CCDC57: variants seen among roughly 807,000 people sequenced by gnomAD.
The protein encoded by CCDC57 is coiled-coil domain-containing protein 57.
In CCDC57, 118 loss-of-function variants were observed where a neutral mutation model predicts 118.9. That is an observed-to-expected ratio of 0.99 (90% CI 0.86 to 1.16). CCDC57 has a LOEUF of 1.16. Among genes scored for constraint, CCDC57 ranks in the 50% most tolerant of loss-of-function variants. The probability of loss-of-function intolerance (pLI) is 0.00; values close to 1 mark genes in which losing one functional copy is unlikely to be tolerated. For missense variants in CCDC57, 1,300 were observed against 1,320.7 expected, an observed-to-expected ratio of 0.98 and a Z score of 0.24; for synonymous variants, 527 against 532.9, an observed-to-expected ratio of 0.99 and a Z score of 0.15.
intron 11 of CCDC57, among the ~76,000 whole-genome samples, chr17:82,177,708 G>T (rs2045706809): frequency 6.6e-6 from 1 of 152,214 alleles, no homozygotes; most frequent in South Asian, 2.1e-4. Flanking sequence ...CCAGTGGCTG[G>T]CCGCTTAGTG....
intron 7 of CCDC57, among the ~76,000 whole-genome samples, chr17:82,189,053 G>A (rs2047328899): frequency 6.6e-6 from 1 of 152,186 alleles, no homozygotes; most frequent in Non-Finnish European, 1.5e-5. Flanking sequence ...GATAGCTTGA[G>A]CCCAGGAGTT....
chr17:82,111,645 C>G (rs187988749), intron 19 of CCDC57, among the ~76,000 whole-genome samples: 1 of 151,052 alleles, frequency 6.6e-6, no homozygotes, highest in Non-Finnish European at 1.5e-5. Context: ...TCTGCTCTTT[C>G]ACCCAGGCTG....
intron 14 of CCDC57, among the ~76,000 whole-genome samples, chr17:82,159,674 C>CTT (rs67809116): frequency 4.2e-5 from 6 of 142,434 alleles, no homozygotes; most frequent in African/African-American, 7.8e-5. Context: ...TTGTCATTTT[C>CTT]TTTTTTTTTT....
chr17:82,178,379 C>A, intron 11 of CCDC57, 95 bp downstream of exon 10: 3 of 1,415,732 alleles, frequency 2.1e-6, no homozygotes, highest in Non-Finnish European at 2.8e-6. Context: ...AACTGAAAGA[C>A]TTAGCTCCAG....
At chr17:82,148,137 G>A (rs201050528) in intron 16 of CCDC57, among the ~76,000 whole-genome samples, 1 of 39,590 alleles carries the variant, frequency 2.5e-5, no homozygotes, top group Non-Finnish European at 4.8e-5. Flanking sequence ...ATGGATGGAT[G>A]GATGGATGGA....
At chr17:82,140,671 C>T (rs914021577) in intron 16 of CCDC57, among the ~76,000 whole-genome samples, 1 of 152,194 alleles carries the variant, frequency 6.6e-6, no homozygotes, top group African/African-American at 2.4e-5. Context: ...CTTGTGTAAC[C>T]AAGGCCCTGC....
intron 17 of CCDC57, among the ~76,000 whole-genome samples, chr17:82,133,300 G>T (rs8065556): frequency 1.8e-4 from 28 of 151,504 alleles, no homozygotes; most frequent in Middle Eastern, 3.4e-3. Context: ...CTTGAGCCTA[G>T]GAAGCCGAGG....
intron 8 of CCDC57, 107 bp downstream of exon 7, chr17:82,188,112 C>T: frequency 1.1e-6 from 1 of 903,282 alleles, no homozygotes; most frequent in Non-Finnish European, 1.6e-6. Flanking sequence ...GCCACTCTGT[C>T]TGCTGCCTGG....
chr17:82,162,548 T>C (rs8068708), intron 14 of CCDC57, among the ~76,000 whole-genome samples: 65,461 of 144,328 alleles, frequency 0.45, 15,790 homozygotes, highest in East Asian at 0.88. Flanking sequence ...AGCACATGCG[T>C]CCGGTTGACC....
chr17:82,189,605 T>C (rs1876015886), intron 7 of CCDC57, among the ~76,000 whole-genome samples: 1 of 152,140 alleles, frequency 6.6e-6, no homozygotes, highest in Non-Finnish European at 1.5e-5. Flanking sequence ...ATCCCAGCAC[T>C]TTAGGAGGCC....
chr17:82,152,023 A>G, intron 15 of CCDC57: 2 of 516,486 alleles, frequency 3.9e-6, no homozygotes, highest in Admixed American at 3.5e-5. Flanking sequence ...CAGATCTCCC[A>G]GGCCCTCACA....
chr17:82,200,513 G>A (rs528412769), intron 3 of CCDC57, among the ~76,000 whole-genome samples: 1 of 152,288 alleles, frequency 6.6e-6, no homozygotes, highest in East Asian at 1.9e-4. Flanking sequence ...GCCAGGCGCG[G>A]TAGCTCACGT....
At chr17:82,112,024 A>G (rs1406789150) in intron 19 of CCDC57, 1 of 152,068 alleles carries the variant, frequency 6.6e-6, no homozygotes. Context: ...CTCAGGCTAG[A>G]GTGCAGTGGC....
chr17:82,137,217 C>T (rs552268451), intron 16 of CCDC57, among the ~76,000 whole-genome samples: 5 of 152,150 alleles, frequency 3.3e-5, no homozygotes, highest in East Asian at 3.9e-4. Context: ...GGGGTTTCAC[C>T]GTGTTGGCCA....
At chr17:82,149,277 G>C (rs58538819) in intron 16 of CCDC57, among the ~76,000 whole-genome samples, 63,572 of 145,660 alleles carry the variant, frequency 0.44, 15,084 homozygotes, top group East Asian at 0.88. Flanking sequence ...TGGGTGAATG[G>C]ATGGATAGAT....
At chr17:82,125,006 G>A (rs1269467375) in intron 19 of CCDC57, among the ~76,000 whole-genome samples, 1 of 152,178 alleles carries the variant, frequency 6.6e-6, no homozygotes, top group African/African-American at 2.4e-5. Flanking sequence ...ACAGAGGAGA[G>A]CCATGGAGTG....
chr17:82,184,015 AT>A, intron 8 of CCDC57, 83 bp from the exon 8 acceptor site: 5 of 525,132 alleles, frequency 9.5e-6, no homozygotes, highest in Non-Finnish European at 6.1e-6. Flanking sequence ...GCAAATACAC[AT>A]GCGCGCGCGC....
chr17:82,127,292 C>A, intron 19 of CCDC57: 2 of 985,342 alleles, frequency 2.0e-6, no homozygotes, highest in Non-Finnish European at 2.4e-6. Context: ...GTCGACCTGG[C>A]TCTTCCCCAG....
chr17:82,200,521 C>T (rs1002791849), intron 3 of CCDC57, among the ~76,000 whole-genome samples: 1 of 152,256 alleles, frequency 6.6e-6, no homozygotes, highest in South Asian at 2.1e-4. Context: ...CGGTAGCTCA[C>T]GTCTATAATC....
Sources: gnomAD v4.1 joint callset for allele counts (sites outside exome capture counted in the v4.1 genomes callset) on GRCh38, gnomAD v4.1.1 for gene constraint, MANE v1.5 for transcripts, NCBI Gene and HGNC (gene_info 2026-07-23, HGNC 2026-07-21) for gene names.